The following TCEANC2 variants were observed in gnomAD, a reference collection of about 807,000 sequenced individuals.
TCEANC2 encodes transcription elongation factor A N-terminal and central domain-containing protein 2.
A neutral mutation model predicts 22.8 loss-of-function variants in TCEANC2; 20 were observed. The observed-to-expected ratio is 0.88, with a 90% confidence interval of 0.62 to 1.28. The LOEUF (loss-of-function observed/expected upper bound fraction) is 1.28, where lower values mean the gene tolerates loss of function less well. Ranked by LOEUF, TCEANC2 falls within the 50% of genes most tolerant of loss-of-function variation. The pLI, the probability that TCEANC2 is intolerant of heterozygous loss-of-function variation, is 0.00. For synonymous variants in TCEANC2, 84 were observed against 95.5 expected (o/e 0.88, Z 0.70); for missense variants, 251 against 249.7 (o/e 1.01, Z -0.03).
intron 3 of TCEANC2, among the ~76,000 whole-genome samples, chr1:54,082,957 C>A (rs1214272356): frequency 6.6e-6 from 1 of 151,946 alleles, no homozygotes; most frequent in Non-Finnish European, 1.5e-5. Context: ...ATACAGTAGA[C>A]CTGTGGAGAA....
intron 2 of TCEANC2, among the ~76,000 whole-genome samples, chr1:54,064,419 T>A (rs1480290730): frequency 6.6e-6 from 1 of 152,060 alleles, no homozygotes; most frequent in Non-Finnish European, 1.5e-5. Flanking sequence ...AGAGTGCAGG[T>A]TACAGAATTT....
At chr1:54,071,952 C>A (rs987729299) in intron 3 of TCEANC2, among the ~76,000 whole-genome samples, 1 of 151,968 alleles carries the variant, frequency 6.6e-6, no homozygotes, top group South Asian at 2.1e-4. Context: ...GGTAGGACTG[C>A]GGGTATGCAC....
intron 2 of TCEANC2, among the ~76,000 whole-genome samples, chr1:54,062,580 T>G (rs1005791530): frequency 2.0e-5 from 3 of 152,136 alleles, no homozygotes; most frequent in African/African-American, 7.2e-5. Flanking sequence ...TTGTCGATGG[T>G]AAGTATTTGC....
chr1:54,084,929 AG>A (rs1324485228), intron 3 of TCEANC2, among the ~76,000 whole-genome samples: 1 of 152,154 alleles, frequency 6.6e-6, no homozygotes, highest in Non-Finnish European at 1.5e-5. Flanking sequence ...CACCTAGAAA[AG>A]GAAAGTATCC....
chr1:54,090,000 T>C, intron 4 of TCEANC2: 1 of 678,654 alleles, frequency 1.5e-6, no homozygotes, highest in African/African-American at 1.8e-5. Context: ...AACCACTTTC[T>C]GTATTGCTAT....
downstream of TCEANC2, among the ~76,000 whole-genome samples, chr1:54,109,834 A>G (rs1021513954): frequency 1.4e-4 from 22 of 152,230 alleles, no homozygotes; most frequent in African/African-American, 5.3e-4. Context: ...GTAGACAGCA[A>G]GGCTCCCAAA....
intron 4 of TCEANC2, among the ~76,000 whole-genome samples, chr1:54,091,849 G>A (rs549559899): frequency 4.0e-5 from 6 of 151,888 alleles, no homozygotes; most frequent in East Asian, 3.9e-4. Flanking sequence ...CCTACCTCAC[G>A]GCCTGTGATC....
At position 54,096,625 on chromosome 1, in the gene TCEANC2, G is replaced by T; in HGVS notation, c.*152G>T. On this transcript the variant is annotated 3_prime_UTR_variant, in exon 5 of 5. Transcript: ENST00000234827. The surrounding 1 kb of genome is among the most constrained non-coding windows in gnomAD (Gnocchi z 4.9). ...CCTTTGCAGACAGAGGATTCGGAGAGCCCTAGGAGACAGGCCTGCAGGAAT... is the reference window on the plus strand; with the variant it reads ...CCTTTGCAGACAGAGGATTCGGAGATCCCTAGGAGACAGGCCTGCAGGAAT... 7.2e-7 allele frequency: 1 copy of T among 1,379,808 alleles called. No individual in the cohort carries two copies. The highest frequency in any genetic ancestry group is 9.4e-7 in the Non-Finnish European group (1 of 1,058,936). 85.5% of individuals were successfully genotyped at this position (1,379,808 alleles called of 1,614,324 possible).
At chr1:54,087,006 T>C (rs1313356240) in intron 3 of TCEANC2, among the ~76,000 whole-genome samples, 1 of 152,240 alleles carries the variant, frequency 6.6e-6, no homozygotes, top group Non-Finnish European at 1.5e-5. Flanking sequence ...AAGTGCTTTA[T>C]AGTTTTTACT....
intron 3 of TCEANC2, among the ~76,000 whole-genome samples, chr1:54,084,996 G>C (rs1658313992): frequency 6.6e-6 from 1 of 152,088 alleles, no homozygotes. Context: ...TCGCTAGCTA[G>C]GAAGCACCTT....
At position 54,102,323 on chromosome 1, in the gene TCEANC2, C is replaced by G. The variant is rs1245103327; in HGVS notation, c.*5850C>G. The G allele has an allele frequency of 6.6e-6, 1 of 152,202 alleles. No individual in the cohort carries two copies. Among genetic ancestry groups the G allele is most frequent in the Non-Finnish European group, 1.5e-5 (1 of 68,056 alleles). 9.4% of individuals were successfully genotyped at this position (152,202 alleles called of 1,614,324 possible). The stretch of plus-strand genomic sequence containing the variant: ...CTGTGAAGTTTATGACAAGACCCTA[C>G]AGGAGAATCACAATGTAGACACCTG... On this transcript the variant is annotated 3_prime_UTR_variant, in exon 5 of 5. Transcript: ENST00000234827.
chr1:54,107,341 AG>A (rs1033074176), downstream of TCEANC2, among the ~76,000 whole-genome samples: 1 of 152,176 alleles, frequency 6.6e-6, no homozygotes, highest in African/African-American at 2.4e-5. Context: ...ACTTCACAGC[AG>A]GGGGCACATG....
chr1:54,088,854 A>G, intron 4 of TCEANC2, 64 bp downstream of exon 4: 1 of 1,250,380 alleles, frequency 8.0e-7, no homozygotes, highest in Middle Eastern at 2.9e-4. Context: ...AAGAAGAAAA[A>G]TAAAGGTAAT....
In TCEANC2 at chr1:54,096,541, G is replaced by A. The variant is rs76808338; in HGVS notation, c.*68G>A. On this transcript the variant is annotated 3_prime_UTR_variant, in exon 5 of 5. Transcript: ENST00000234827. This position sits in a 1 kb window ranked among gnomAD's most constrained non-coding sequence, Gnocchi z 4.9. The stretch of plus-strand genomic sequence containing the variant: ...GGGCCTGTCTCTGCCGTTCAAAGAC[G>A]CTTTTGAGTTTGGGTGATGGCTGAT... The A allele has an allele frequency of 7.2e-6, 11 of 1,526,596 alleles. No individual in the cohort carries two copies. The highest frequency in any genetic ancestry group is 2.0e-5 in the Admixed American group (1 of 50,034). 94.6% of individuals were successfully genotyped at this position (1,526,596 alleles called of 1,614,324 possible).
At position 54,100,579 on chromosome 1, in the gene TCEANC2, CAGA is replaced by C. The variant is rs1442034903; in HGVS notation, c.*4109_*4111del. On this transcript the variant is annotated 3_prime_UTR_variant, in exon 5 of 5. Transcript: ENST00000234827. ...GAGGAGTTCATGTTTGAACCAAAGC[CAGA>C]AGGATAGGTAGGAGTTCTTAGCAGA... 2 of 152,158 alleles carry C rather than the reference CAGA, an allele frequency of 1.3e-5. No individual in the cohort carries two copies. The highest frequency in any genetic ancestry group is 1.9e-4 in the East Asian group (1 of 5,190). The allele number at this position is 152,158 out of a possible 1,614,324, so 9.4% of individuals were successfully genotyped here.
downstream of TCEANC2, among the ~76,000 whole-genome samples, chr1:54,107,206 C>T (rs1658772325): frequency 6.6e-6 from 1 of 152,170 alleles, no homozygotes; most frequent in African/African-American, 2.4e-5. Context: ...CAGTCTTGAG[C>T]AGTACTGGCC....
chr1:54,064,622 G>T (rs1171130354), intron 2 of TCEANC2, among the ~76,000 whole-genome samples: 2 of 146,952 alleles, frequency 1.4e-5, no homozygotes, highest in East Asian at 2.2e-4. Context: ...CTGAAATGAA[G>T]TTACAAAATT....
intron 3 of TCEANC2, among the ~76,000 whole-genome samples, chr1:54,077,505 A>G (rs556998395): frequency 2.6e-5 from 4 of 152,296 alleles, no homozygotes; most frequent in East Asian, 3.9e-4. Context: ...ATTTGAGACC[A>G]TTGATACTCC....
chr1:54,075,919 C>T (rs375121024), intron 3 of TCEANC2, among the ~76,000 whole-genome samples: 6 of 151,172 alleles, frequency 4.0e-5, no homozygotes, highest in East Asian at 3.9e-4. Flanking sequence ...GAGGCTGAGG[C>T]AGGAGAACCC....
Sources: allele counts gnomAD v4.1 joint callset (sites outside exome capture counted in the v4.1 genomes callset), GRCh38; gene constraint gnomAD v4.1.1; non-coding constraint Gnocchi (gnomAD v3.1); transcripts MANE v1.5; gene names NCBI Gene and HGNC (gene_info 2026-07-23, HGNC 2026-07-21).